The following SAE1 variants were observed in gnomAD, a reference collection of about 807,000 sequenced individuals.
The protein encoded by SAE1 is SUMO1 activating enzyme subunit 1.
In SAE1, 11 loss-of-function variants were observed where a neutral mutation model predicts 40.6. The ratio of observed to expected loss-of-function variants is 0.27; its 90% CI spans 0.17 to 0.45. SAE1 has a LOEUF of 0.45. Ranked by LOEUF, SAE1 falls within the 20% of genes least tolerant of loss-of-function variation. The probability of loss-of-function intolerance (pLI) is 1.00; values close to 1 mark genes in which losing one functional copy is unlikely to be tolerated. For missense variants in SAE1, 373 were observed against 427.3 expected (o/e 0.87, Z 1.12); for synonymous variants, 155 against 154.3 (o/e 1.00, Z -0.03).
chr19:47,204,543 GTC>G (rs1018244559), intron 8 of SAE1, among the ~76,000 whole-genome samples: 1 of 105,288 alleles, frequency 9.5e-6, no homozygotes, highest in Non-Finnish European at 1.8e-5. Context: ...ATCTCACTTT[GTC>G]TCTCAGACTG....
Position 47,139,515 on chromosome 19 carries a change from G to C in SAE1, c.99-3979G>C, listed in dbSNP as rs180817063. On this transcript the variant is annotated intron_variant, in intron 1 of 8. Coordinates refer to ENST00000270225, the MANE Select transcript of SAE1 (RefSeq NM_005500.3). ...GTAGTTTTGTCGGAGAGAAACGATG[G>C]TGGCTCAGACTAGAGTGGTGTTTGT... Among the ~76,000 whole-genome samples the C allele has an allele frequency of 1.4e-3, 215 of 152,104 alleles. 2 individuals are homozygous for C. Among genetic ancestry groups the C allele is most frequent in the African/African-American group, 5.1e-3 (211 of 41,498 alleles).
intron 6 of SAE1, among the ~76,000 whole-genome samples, chr19:47,173,784 T>C (rs976486125): frequency 6.6e-6 from 1 of 151,372 alleles, no homozygotes; most frequent in Non-Finnish European, 1.5e-5. Context: ...TTTCTTTCTT[T>C]TCTTTTTTTT....
intron 8 of SAE1, among the ~76,000 whole-genome samples, chr19:47,204,501 C>CCA (rs1555797190): frequency 5.9e-5 from 2 of 34,054 alleles, no homozygotes; most frequent in East Asian, 8.7e-4. Context: ...CCCAGCCGCA[C>CCA]CCCCCCCCTT....
intron 7 of SAE1, among the ~76,000 whole-genome samples, chr19:47,199,934 C>CTT (rs760362409): frequency 7.0e-6 from 1 of 142,564 alleles, no homozygotes; most frequent in African/African-American, 2.6e-5. Flanking sequence ...TAGATGATGG[C>CTT]TTTTTTTTTT....
intron 2 of SAE1, among the ~76,000 whole-genome samples, chr19:47,149,268 T>C (rs2058272900): frequency 6.6e-6 from 1 of 151,446 alleles, no homozygotes; most frequent in South Asian, 2.1e-4. Context: ...CCTCCCCTGT[T>C]GAAGTGATTC....
Position 47,150,982 on chromosome 19 carries a change from CTT to C in SAE1, c.384+609_384+610del, listed in dbSNP as rs1230014681. On this transcript the variant is annotated intron_variant, in intron 3 of 8. Transcript: ENST00000270225. The stretch of plus-strand genomic sequence containing the variant: ...CTATGCGGAGGTGAAAGGATAAATT[CTT>C]TGTCAATATCTGCAACCTTTCAGAC... Among the ~76,000 whole-genome samples, 19 of 152,278 alleles carry C rather than the reference CTT, an allele frequency of 1.2e-4. No homozygotes were observed. In the East Asian group the frequency reaches 2.5e-3, roughly 20 times the overall value.
chr19:47,135,971 T>G (rs1283289967), intron 1 of SAE1, among the ~76,000 whole-genome samples: 2 of 151,120 alleles, frequency 1.3e-5, no homozygotes, highest in African/African-American at 2.4e-5. Flanking sequence ...GCCCGGCTAA[T>G]TTCTGTATTT....
chr19:47,192,645 C>T (rs972583159), intron 6 of SAE1, among the ~76,000 whole-genome samples: 1 of 151,928 alleles, frequency 6.6e-6, no homozygotes, highest in Non-Finnish European at 1.5e-5. Context: ...TGGGTTCAAG[C>T]AATTCTACTG....
rs559180410 is a variant in SAE1 at position 47,207,029 on chromosome 19, C to A, written c.949-2130C>A. On this transcript the variant is annotated intron_variant, in intron 8 of 8. Coordinates refer to ENST00000270225, the MANE Select transcript of SAE1 (RefSeq NM_005500.3). ...ATGTTCCCTTGACTGGGTGCAGTAGCTCATGCCTGTAATTCCAGCACTTTG... is the reference window on the plus strand; with the variant it reads ...ATGTTCCCTTGACTGGGTGCAGTAGATCATGCCTGTAATTCCAGCACTTTG... Among the ~76,000 whole-genome samples, 3 of 152,230 alleles carry A rather than the reference C, an allele frequency of 2.0e-5. 1 individual carries two copies. In the South Asian group the frequency reaches 6.2e-4, roughly 32 times the overall value.
intron 8 of SAE1, among the ~76,000 whole-genome samples, chr19:47,207,938 G>A (rs1484176047): frequency 6.6e-6 from 1 of 152,028 alleles, no homozygotes; most frequent in African/African-American, 2.4e-5. Flanking sequence ...GCCCAGCCCT[G>A]TTCTTGTATT....
At chr19:47,174,083 C>T (rs1456852557) in intron 6 of SAE1, among the ~76,000 whole-genome samples, 1 of 152,062 alleles carries the variant, frequency 6.6e-6, no homozygotes, top group African/African-American at 2.4e-5. Context: ...TTCGCCCAGC[C>T]TGTTTACCCT....
At chr19:47,148,708 A>G (rs954306780) in intron 2 of SAE1, among the ~76,000 whole-genome samples, 4 of 149,794 alleles carry the variant, frequency 2.7e-5, no homozygotes, top group South Asian at 2.1e-4. Flanking sequence ...TCTGCCTCCC[A>G]GGTTCAAGCG....
rs537077883 is a variant in SAE1, at chr19:47,184,144, C to T, written c.734-13089C>T. Among the ~76,000 whole-genome samples the T allele has an allele frequency of 9.2e-5, 14 of 152,198 alleles. No homozygotes were observed. The South Asian group carries it at 2.9e-3, about 32-fold the overall frequency. On this transcript the variant is annotated intron_variant, in intron 6 of 8. Transcript: ENST00000270225. ...AAAGGAATAGAATATTGGGCTGGGG[C>T]TAGTCTGAAATGGTGGTTTGTATTA...
At chr19:47,192,039 G>A (rs1173047592) in intron 6 of SAE1, among the ~76,000 whole-genome samples, 14 of 150,522 alleles carry the variant, frequency 9.3e-5, no homozygotes, top group Admixed American at 6.6e-5. Context: ...GGGCAACAGA[G>A]CGAGACTCTG....
chr19:47,151,067 A>G (rs1184874931), intron 3 of SAE1, among the ~76,000 whole-genome samples: 1 of 152,206 alleles, frequency 6.6e-6, no homozygotes, highest in Non-Finnish European at 1.5e-5. Flanking sequence ...AAATAGTCAT[A>G]GATGAGCTAC....
At chr19:47,203,803 G>A (rs1600219756) in intron 8 of SAE1, 63 bp downstream of exon 8, 2 of 1,402,698 alleles carry the variant, frequency 1.4e-6, no homozygotes, top group East Asian at 2.3e-5. Flanking sequence ...CTGACAGAGA[G>A]AATGGAAACT....
At chr19:47,137,242 G>A (rs2058186188) in intron 1 of SAE1, among the ~76,000 whole-genome samples, 1 of 151,990 alleles carries the variant, frequency 6.6e-6, no homozygotes, top group African/African-American at 2.4e-5. Flanking sequence ...AAAAAAATTA[G>A]CCAGGTGTGG....
rs769192795 is a variant in SAE1, at chr19:47,149,423, G to A, written c.211-779G>A. Among the ~76,000 whole-genome samples, 31 of 151,804 alleles carry A rather than the reference G, an allele frequency of 2.0e-4. No homozygotes were observed. In the South Asian group the frequency reaches 5.8e-3, roughly 29 times the overall value. ...TGACCTCAGGTGATCCTCCTGCCTCGGCCTCCCAAAGTGCTGGGATTACAG... is the reference window on the plus strand; with the variant it reads ...TGACCTCAGGTGATCCTCCTGCCTCAGCCTCCCAAAGTGCTGGGATTACAG... On this transcript the variant is annotated intron_variant, in intron 2 of 8. Coordinates refer to ENST00000270225, the MANE Select transcript of SAE1 (RefSeq NM_005500.3).
rs571589014 is a variant in SAE1 at position 47,153,101 on chromosome 19, T to A, written c.527+61T>A. 832 of 1,344,818 alleles carry A rather than the reference T, an allele frequency of 6.2e-4. 2 individuals carry two copies. In the South Asian group the frequency reaches 6.3e-3, roughly 10 times the overall value. The allele number at this position is 1,344,818 out of a possible 1,614,324, so 83.3% of individuals were successfully genotyped here. ...TTCTCCTTTTTATACTTTTTTTTTTTAAATTATGTATTTATTTATGTGTAG... is the reference window on the plus strand; with the variant it reads ...TTCTCCTTTTTATACTTTTTTTTTTAAAATTATGTATTTATTTATGTGTAG... On this transcript the variant is annotated intron_variant, in intron 4 of 8. Transcript: ENST00000270225.
Sources: gnomAD v4.1 joint callset for allele counts (sites outside exome capture counted in the v4.1 genomes callset) on GRCh38, gnomAD v4.1.1 for gene constraint, MANE v1.5 for transcripts, NCBI Gene and HGNC (gene_info 2026-07-23, HGNC 2026-07-21) for gene names.